BICD2: variants seen among roughly 807,000 people sequenced by gnomAD.
BICD2 encodes protein bicaudal D homolog 2.
BICD2 carries 25 observed loss-of-function variants against 72.9 expected under a neutral mutation model. The observed-to-expected ratio is 0.34, with a 90% CI of 0.25 to 0.48. The LOEUF is 0.48. Ranked by LOEUF, BICD2 falls within the 20% of genes least tolerant of loss-of-function variation. BICD2 has a pLI of 0.99. For synonymous variants in BICD2, 501 were observed against 516.1 expected, an observed-to-expected ratio of 0.97 and a Z score of 0.40; for missense variants, 894 against 1,175.2, an observed-to-expected ratio of 0.76 and a Z score of 3.50.
intron 3 of BICD2, among the ~76,000 whole-genome samples, chr9:92,721,423 G>A (rs1426411619): frequency 4.6e-5 from 7 of 152,214 alleles, no homozygotes; most frequent in Admixed American, 4.6e-4. Context: ...CATGAAAATT[G>A]TATCTGCAGG....
At chr9:92,756,064 G>A (rs982485785) in intron 1 of BICD2, among the ~76,000 whole-genome samples, 1 of 152,178 alleles carries the variant, frequency 6.6e-6, no homozygotes, top group African/African-American at 2.4e-5. Context: ...TCAATGGTAG[G>A]ACAGTGACAA....
rs192032168 is a variant in BICD2 at position 92,713,241 on chromosome 9, C to A, written c.*1913G>T. The A allele has an allele frequency of 3.3e-6, 2 of 603,752 alleles. No individual in the cohort carries two copies. The highest frequency in any genetic ancestry group is 5.7e-6 in the Non-Finnish European group (2 of 348,058). The allele number at this position is 603,752 out of a possible 1,614,324, so 37.4% of individuals were successfully genotyped here. A position where few individuals can be genotyped will look rare whatever the true frequency, so the allele number is the denominator to read the frequency against. On this transcript the variant is annotated 3_prime_UTR_variant, in exon 7 of 7. Transcript: ENST00000356884. ...TTCGGCCCATACAGAGGCCTTTCCA[C>A]GCAGCAGCTCGCAGCATGCTCAACA...
At chr9:92,742,591 G>C (rs1853918953) in intron 1 of BICD2, among the ~76,000 whole-genome samples, 1 of 151,840 alleles carries the variant, frequency 6.6e-6, no homozygotes, top group African/African-American at 2.4e-5. Flanking sequence ...TCACCATGTT[G>C]GCCAGGATGG....
At chr9:92,727,404 C>T (rs981320637) in intron 2 of BICD2, among the ~76,000 whole-genome samples, 3 of 152,220 alleles carry the variant, frequency 2.0e-5, no homozygotes, top group East Asian at 1.9e-4. Flanking sequence ...TCCTCTACAA[C>T]GGGCTTCAGA....
In BICD2 at chr9:92,729,051, C is replaced by T; in HGVS notation, c.426G>A (p.Leu142=). The stretch of plus-strand genomic sequence containing the variant: ...CCTTCAGCTCCTGGGCCACAGAGGC[C>T]AGGCGCTCATTCTCCGACTGCGTGT... The part of the protein sequence containing the change: ...LTNTQSENER[L]ASVAQELKEI... Residue 142 remains leucine, a synonymous_variant, in exon 2 of 7, where the codon CTG becomes CTA. Transcript: ENST00000356884. 1 of 1,614,214 alleles carries T rather than the reference C, an allele frequency of 6.2e-7. No homozygotes were observed. Among genetic ancestry groups the T allele is most frequent in the Non-Finnish European group, 8.5e-7 (1 of 1,180,040 alleles).
chr9:92,722,574 A>G (rs1211449175), intron 3 of BICD2, 82 bp downstream of exon 3: 1 of 1,572,344 alleles, frequency 6.4e-7, no homozygotes, highest in Non-Finnish European at 8.7e-7. Context: ...ACCCCTTCCC[A>G]ACAGGGAGAG....
intron 1 of BICD2, among the ~76,000 whole-genome samples, chr9:92,745,452 G>A (rs1401025963): frequency 6.6e-6 from 1 of 151,878 alleles, no homozygotes; most frequent in Non-Finnish European, 1.5e-5. Flanking sequence ...GGGGAGGGGG[G>A]TCCCCTGTCC....
chr9:92,716,226 T>C (rs1490787368), intron 6 of BICD2, among the ~76,000 whole-genome samples: 1 of 152,138 alleles, frequency 6.6e-6, no homozygotes. Flanking sequence ...GGCCCTTGGA[T>C]AGCACCCTCT....
chr9:92,754,101 C>A (rs1184276778), intron 1 of BICD2, among the ~76,000 whole-genome samples: 1 of 150,730 alleles, frequency 6.6e-6, no homozygotes, highest in East Asian at 2.0e-4. Context: ...GCCAAGATCG[C>A]GCCACTGCAC....
At chr9:92,755,989 G>C (rs1006440429) in intron 1 of BICD2, among the ~76,000 whole-genome samples, 1 of 152,224 alleles carries the variant, frequency 6.6e-6, no homozygotes, top group Non-Finnish European at 1.5e-5. Flanking sequence ...GTCAAGCCAA[G>C]AATGGCTGAG....
intron 3 of BICD2, among the ~76,000 whole-genome samples, chr9:92,722,103 G>A (rs1272683486): frequency 6.6e-6 from 1 of 152,258 alleles, no homozygotes; most frequent in Non-Finnish European, 1.5e-5. Context: ...CAGGCCTTGA[G>A]TGGCAGAACA....
Position 92,715,229 on chromosome 9 carries a change from G to A in BICD2, c.2493C>T (p.Ala831=). 5 of 1,613,224 alleles carry A rather than the reference G, an allele frequency of 3.1e-6. No individual in the cohort carries two copies. The highest frequency in any genetic ancestry group is 4.2e-6 in the Non-Finnish European group (5 of 1,179,878). ...GCCCGGTGCCCTCGGCCCTGTCGCT[G>A]GCACAGGCACAGGTGTGACTTACGC... ...TPSVSHTCAC[A]SDRAEGTGLA... Residue 831 remains alanine (A), a synonymous_variant, in exon 7 of 7, where the codon GCC becomes GCT. Transcript: ENST00000356884.
chr9:92,758,553 A>AC (rs1195479609), intron 1 of BICD2, among the ~76,000 whole-genome samples: 1 of 144,058 alleles, frequency 6.9e-6, no homozygotes, highest in African/African-American at 2.6e-5. Flanking sequence ...CTCCGTCTCA[A>AC]AAAAAAAAAA....
Position 92,751,130 on chromosome 9 carries a change from G to GTTTT in BICD2, c.240+13371_240+13374dup, listed in dbSNP as rs367971149. Among the ~76,000 whole-genome samples the GTTTT allele has an allele frequency of 2.3e-3, 345 of 148,050 alleles. 2 individuals carry two copies. Among genetic ancestry groups the GTTTT allele is most frequent in the African/African-American group, 7.1e-3 (288 of 40,744 alleles). On this transcript the variant is annotated intron_variant, in intron 1 of 6. Transcript: ENST00000356884. Reference sequence around the variant, plus strand: ...TTCACCATGTTGGCCAGGGTGGTTGGTTTTTTGTTGTTGTTGTTGTTGTTG... The same window carrying GTTTT: ...TTCACCATGTTGGCCAGGGTGGTTGGTTTTTTTTTTGTTGTTGTTGTTGTTGTTG...
chr9:92,717,754 G>A, intron 6 of BICD2, 43 bp downstream of exon 6: 1 of 1,562,040 alleles, frequency 6.4e-7, no homozygotes, highest in Non-Finnish European at 8.7e-7. Context: ...GCTGAGGACA[G>A]CTGGCCTTGT....
intron 1 of BICD2, among the ~76,000 whole-genome samples, chr9:92,762,194 A>G (rs775459371): frequency 2.0e-5 from 3 of 151,166 alleles, no homozygotes; most frequent in Non-Finnish European, 2.9e-5. Flanking sequence ...TCTACAGGAG[A>G]AAAAAAACCC....
chr9:92,747,239 T>C (rs915638118), intron 1 of BICD2, among the ~76,000 whole-genome samples: 1 of 152,180 alleles, frequency 6.6e-6, no homozygotes, highest in Non-Finnish European at 1.5e-5. Context: ...GTCCACCATC[T>C]GCACCATCAA....
rs1587696376 is a variant in BICD2 at position 92,764,348 on chromosome 9, G to A, written c.240+157C>T. Among the ~76,000 whole-genome samples, 1 of 152,094 alleles carries A rather than the reference G, an allele frequency of 6.6e-6. No homozygotes were observed. Among genetic ancestry groups the A allele is most frequent in the East Asian group, 1.9e-4 (1 of 5,168 alleles). On this transcript the variant is annotated intron_variant, in intron 1 of 6. Coordinates refer to ENST00000356884, the MANE Select transcript of BICD2 (RefSeq NM_001003800.2). The surrounding 1 kb of genome is among the most constrained non-coding windows in gnomAD (Gnocchi z 5.5). ...GCACCGGCCTGCTAGCCAAGGCCGG[G>A]CCCACTCCCACATACTGCCCGTGCC...
chr9:92,730,167 G>T (rs1853652561), intron 1 of BICD2, among the ~76,000 whole-genome samples: 2 of 152,190 alleles, frequency 1.3e-5, no homozygotes, highest in South Asian at 4.1e-4. Flanking sequence ...GGGCCGCAGT[G>T]TGTCACCCCC....
Sources: gnomAD v4.1 joint callset for allele counts (sites outside exome capture counted in the v4.1 genomes callset) on GRCh38, gnomAD v4.1.1 for gene constraint, Gnocchi (gnomAD v3.1) non-coding constraint, MANE v1.5 for transcripts, NCBI Gene and HGNC (gene_info 2026-07-23, HGNC 2026-07-21) for gene names.